The following CELF2 variants were observed in gnomAD, a reference collection of about 807,000 sequenced individuals.
CELF2 encodes the protein CUG triplet repeat RNA-binding protein 2.
In CELF2, 8 loss-of-function variants were observed where a neutral mutation model predicts 62.6. The ratio of observed to expected loss-of-function variants is 0.13; its 90% CI spans 0.07 to 0.23. CELF2 has a LOEUF of 0.23. Among genes scored for constraint, CELF2 ranks in the 10% least tolerant of loss-of-function variants. The pLI is 1.00. For synonymous variants in CELF2, 258 were observed against 250.0 expected (o/e 1.03, Z -0.30); for missense variants, 333 against 671.0 (o/e 0.50, Z 5.56).
chr10:10,786,539 A>G, the CELF2 span: 1 of 152,188 alleles, frequency 6.6e-6, no homozygotes, highest in East Asian at 1.9e-4. Context: ...ATAAACCACA[A>G]ACCCTTGAAA....
At chr10:10,611,321 C>T in the CELF2 span, among the ~76,000 whole-genome samples, 9 of 152,114 alleles carry the variant, frequency 5.9e-5, no homozygotes, top group Non-Finnish European at 1.3e-4. Context: ...CTTACCCTAA[C>T]TTCCTTCCTT....
rs78182126 is a variant in CELF2, at chr10:11,227,277, A to G, written c.354+9770A>G. 0.012 allele frequency among the ~76,000 whole-genome samples: 1,863 copies of G among 152,352 alleles called. 33 individuals carry two copies. The highest frequency in any genetic ancestry group is 0.043 in the African/African-American group (1,784 of 41,572). Reference sequence around the variant, plus strand: ...TGATGGTCCAAGCAGTCAAGTCTGCATAACCATCTAAGCTTCTGAATCTGC... The same window carrying G: ...TGATGGTCCAAGCAGTCAAGTCTGCGTAACCATCTAAGCTTCTGAATCTGC... On this transcript the variant is annotated intron_variant, in intron 3 of 12. Coordinates refer to ENST00000633077, the MANE Select transcript of CELF2 (RefSeq NM_001326342.2). This position sits in a 1 kb window ranked among gnomAD's most constrained non-coding sequence, Gnocchi z 4.8.
intron 1 of CELF2, among the ~76,000 whole-genome samples, chr10:11,119,629 A>T (rs2057306357): frequency 1.3e-5 from 2 of 152,212 alleles, no homozygotes; most frequent in South Asian, 4.1e-4. Flanking sequence ...AAACTTTCAT[A>T]AATTATTTTA....
At chr10:10,468,138 G>A in the CELF2 span, among the ~76,000 whole-genome samples, 3 of 152,042 alleles carry the variant, frequency 2.0e-5, no homozygotes, top group African/African-American at 7.2e-5. Flanking sequence ...TTGCAAAATT[G>A]TCCTTGTTTG....
At chr10:11,114,476 G>A (rs145060588) in intron 1 of CELF2, among the ~76,000 whole-genome samples, 29 of 152,276 alleles carry the variant, frequency 1.9e-4, no homozygotes, top group African/African-American at 6.7e-4. Context: ...TTTGTCACAA[G>A]CCACTTAATG....
rs1437821968 is a variant in CELF2, at chr10:11,010,049, T to A, written c.53+4609T>A. ...GCTTTTCATCCTTCTTGTAAGGCTC[T>A]CCATCTCAGTCCCACCAGGACAGCA... On this transcript the variant is annotated intron_variant, in intron 1 of 12. Coordinates refer to the CELF2 transcript ENST00000416382. This position sits in a 1 kb window ranked among gnomAD's most constrained non-coding sequence, Gnocchi z 4.1. The A allele has an allele frequency of 1.3e-5, 2 of 152,266 alleles. No homozygotes were observed. Among genetic ancestry groups the A allele is most frequent in the Non-Finnish European group, 2.9e-5 (2 of 68,080 alleles). 9.4% of individuals were successfully genotyped at this position (152,266 alleles called of 1,614,324 possible).
chr10:10,676,334 A>G, the CELF2 span, among the ~76,000 whole-genome samples: 1 of 152,248 alleles, frequency 6.6e-6, no homozygotes, highest in Middle Eastern at 3.4e-3. Flanking sequence ...GTAGAGTTGA[A>G]CTTTTTCCCT....
At chr10:10,544,834 C>T in the CELF2 span, among the ~76,000 whole-genome samples, 8 of 152,192 alleles carry the variant, frequency 5.3e-5, no homozygotes, top group African/African-American at 1.7e-4. Flanking sequence ...GAATAGCCAT[C>T]GAACAACCCT....
At chr10:11,115,783 G>A (rs2056431583) in intron 1 of CELF2, among the ~76,000 whole-genome samples, 1 of 152,178 alleles carries the variant, frequency 6.6e-6, no homozygotes, top group African/African-American at 2.4e-5. Context: ...CATCACCACT[G>A]CTAATCCAGT....
intron 1 of CELF2, among the ~76,000 whole-genome samples, chr10:11,032,581 GCAT>G (rs1266550948): frequency 7.9e-5 from 12 of 152,278 alleles, no homozygotes; most frequent in African/African-American, 2.9e-4. Context: ...ATTTATGATG[GCAT>G]CGTTGTTTTG....
rs572026275 is a variant in CELF2, at chr10:11,088,372, G to A, written c.74+70209G>A. Among the ~76,000 whole-genome samples the A allele has an allele frequency of 5.9e-5, 9 of 152,346 alleles. No homozygotes were observed. In the East Asian group the frequency reaches 1.5e-3, roughly 26 times the overall value. ...TCATCAGTGGAAAATGAGAGATAAAGCAGAGAATGTGATGTTAGGCTGAAT... is the reference window on the plus strand; with the variant it reads ...TCATCAGTGGAAAATGAGAGATAAAACAGAGAATGTGATGTTAGGCTGAAT... On this transcript the variant is annotated intron_variant, in intron 1 of 12. Transcript: ENST00000633077.
the CELF2 span, among the ~76,000 whole-genome samples, chr10:10,722,507 G>GA: frequency 0.23 from 35,016 of 152,058 alleles, 4,549 homozygotes; most frequent in South Asian, 0.43. Context: ...AGCCTGAATT[G>GA]AAAAATTGAA....
At chr10:11,096,867 T>G (rs1180501383) in intron 1 of CELF2, among the ~76,000 whole-genome samples, 1 of 152,232 alleles carries the variant, frequency 6.6e-6, no homozygotes, top group Non-Finnish European at 1.5e-5. Flanking sequence ...TGGAAACTAA[T>G]GAGAATTCTA....
At chr10:10,942,287 C>T (rs1366027612) in intron 2 of CELF2, among the ~76,000 whole-genome samples, 1 of 152,168 alleles carries the variant, frequency 6.6e-6, no homozygotes, top group Non-Finnish European at 1.5e-5. Flanking sequence ...TTGGGCACAG[C>T]TTTGGTGGGC....
the CELF2 span, among the ~76,000 whole-genome samples, chr10:10,715,379 A>G: frequency 6.6e-6 from 1 of 152,200 alleles, no homozygotes; most frequent in African/African-American, 2.4e-5. Context: ...TGTTTTAATT[A>G]TAGTTCCTTT....
chr10:11,129,620 C>T (rs2059305035), intron 1 of CELF2, among the ~76,000 whole-genome samples: 1 of 152,062 alleles, frequency 6.6e-6, no homozygotes, highest in African/African-American at 2.4e-5. Context: ...GTGTATGTGT[C>T]GAGGAATTTA....
intron 2 of CELF2, among the ~76,000 whole-genome samples, chr10:10,954,521 C>T (rs1467330945): frequency 1.3e-5 from 2 of 152,170 alleles, no homozygotes; most frequent in Non-Finnish European, 2.9e-5. Flanking sequence ...GCTGGGATTA[C>T]AGGCGTGAGC....
the CELF2 span, among the ~76,000 whole-genome samples, chr10:10,785,351 A>T: frequency 1.3e-5 from 2 of 152,202 alleles, no homozygotes; most frequent in Non-Finnish European, 2.9e-5. Flanking sequence ...TTATGATATG[A>T]TCTAGCAATC....
chr10:11,153,355 C>T (rs1032084761), intron 1 of CELF2, among the ~76,000 whole-genome samples: 15 of 152,088 alleles, frequency 9.9e-5, no homozygotes, highest in Admixed American at 7.9e-4. Flanking sequence ...CCGTTATCAC[C>T]GTCTGACATT....
Sources: gnomAD v4.1 joint callset for allele counts (sites outside exome capture counted in the v4.1 genomes callset) on GRCh38, gnomAD v4.1.1 for gene constraint, Gnocchi (gnomAD v3.1) non-coding constraint, MANE v1.5 for transcripts, NCBI Gene and HGNC (gene_info 2026-07-23, HGNC 2026-07-21) for gene names.